HTR3D: variants seen among roughly 807,000 people sequenced by gnomAD.
HTR3D encodes the protein 5-hydroxytryptamine receptor 3D, also known as 5-hydroxytryptamine (serotonin) receptor 3 family member D.
HTR3D carries 47 observed loss-of-function variants against 45.8 expected under a neutral mutation model. The ratio of observed to expected loss-of-function variants is 1.03; its 90% CI spans 0.81 to 1.31. HTR3D has a LOEUF of 1.31. Ranked by LOEUF, HTR3D falls within the 50% of genes most tolerant of loss-of-function variation. The probability of loss-of-function intolerance (pLI) is 0.00; values close to 1 mark genes in which losing one functional copy is unlikely to be tolerated. For missense variants in HTR3D, 448 were observed against 506.9 expected (o/e 0.88, Z 1.12); for synonymous variants, 203 against 199.8 (o/e 1.02, Z -0.13).
chr3:184,038,141 G>A lies in HTR3D; in HGVS notation c.637G>A (p.Ala213Thr), dbSNP rs1722962046. Residue 213 changes from alanine (A) to threonine (T), a missense_variant, in exon 6 of 8, where the codon GCC (alanine) becomes ACC (threonine). Physicochemically the swap from Ala to Thr is moderately conservative, Grantham distance 58. Coordinates refer to ENST00000428798, the MANE Select transcript of HTR3D (RefSeq NM_001145143.1). This position sits in a 1 kb window ranked among gnomAD's most constrained non-coding sequence, Gnocchi z 4.5. ...CCTGCCACTGGAAAGTGGGAATTGT[G>A]CCCCATTCAAGATGACTGTTCTGCT... ...FYLPLESGNCAPFKMTVLLGY... is the reference protein window; with the variant it reads ...FYLPLESGNCTPFKMTVLLGY... 6.2e-7 allele frequency: 1 copy of A among 1,614,028 alleles called. No homozygotes were observed. The highest frequency in any genetic ancestry group is 1.3e-5 in the African/African-American group (1 of 74,910).
intron 1 of HTR3D, among the ~76,000 whole-genome samples, 177 bp downstream of exon 1, chr3:184,031,984 T>A (rs577065774): frequency 1.0e-4 from 15 of 143,946 alleles, no homozygotes; most frequent in Non-Finnish European, 1.6e-4. Flanking sequence ...TTTAGTTAAC[T>A]CTTTTCTCTT....
intron 1 of HTR3D, chr3:184,032,905 C>A: frequency 6.4e-7 from 1 of 1,552,346 alleles, no homozygotes; most frequent in African/African-American, 1.4e-5. Flanking sequence ...GAAATGGCGA[C>A]ACTTTGATTA....
chr3:184,033,048 C>T, intron 1 of HTR3D: 1 of 1,551,282 alleles, frequency 6.4e-7, no homozygotes, highest in Admixed American at 2.0e-5. Flanking sequence ...ACCTTGTCTG[C>T]CATCTGGAAG....
rs1576980554 is a variant in HTR3D at position 184,038,691 on chromosome 3, C to T, written c.986-55C>T. The stretch of plus-strand genomic sequence containing the variant: ...CTGCTCCTGCCTCCTTCCCTGTCTC[C>T]CTCCCTCCACAGGTGACATTTGCAG... On this transcript the variant is annotated intron_variant, in intron 7 of 7. Coordinates refer to ENST00000428798, the MANE Select transcript of HTR3D (RefSeq NM_001145143.1). This position sits in a 1 kb window ranked among gnomAD's most constrained non-coding sequence, Gnocchi z 4.5. 5 of 1,562,568 alleles carry T rather than the reference C, an allele frequency of 3.2e-6. No homozygotes were observed. The highest frequency in any genetic ancestry group is 4.3e-6 in the Non-Finnish European group (5 of 1,152,374).
intron 2 of HTR3D, 75 bp from the exon 3 acceptor site, chr3:184,035,940 G>C (rs776398576): frequency 6.9e-7 from 1 of 1,450,298 alleles, no homozygotes; most frequent in Non-Finnish European, 9.4e-7. Context: ...TGATCCCCCC[G>C]CCTCAGCCTT....
Position 184,036,763 on chromosome 3 carries a change from G to C in HTR3D, c.383G>C (p.Arg128Thr). 6.4e-7 allele frequency: 1 copy of C among 1,552,172 alleles called. No homozygotes were observed. Among genetic ancestry groups the C allele is most frequent in the Middle Eastern group, 1.7e-4 (1 of 5,998 alleles). The change falls in exon 5 of 8, where the codon AGG (arginine) becomes ACG (threonine). Residue 128 changes from arginine to threonine, a missense_variant. Arg to Thr is a moderately conservative substitution (Grantham distance 71). Transcript: ENST00000428798. Reference protein sequence around the residue: ...SPTQVTRAWRRMSRSFQIHHR... With the variant: ...SPTQVTRAWRTMSRSFQIHHR... The stretch of plus-strand genomic sequence containing the variant: ...AGAACACGAGCCCGGGCATGGAGAA[G>C]GATGTCCAGGAGCTTTCAAATACAT...
chr3:184,032,929 C>G, intron 1 of HTR3D: 2 of 1,552,702 alleles, frequency 1.3e-6, no homozygotes, highest in Non-Finnish European at 1.7e-6. Flanking sequence ...ATTGCCCAGG[C>G]TTTGGCCAGC....
intron 1 of HTR3D, chr3:184,034,921 T>C (rs1722844172): frequency 1.6e-6 from 1 of 633,104 alleles, no homozygotes. Flanking sequence ...AGAAATGCTG[T>C]AATGACATTA....
chr3:184,038,828 G>A lies in HTR3D; in HGVS notation c.1068G>A (p.Arg356=), dbSNP rs1722993112. The change falls in exon 8 of 8, where the codon AGG becomes AGA. Residue 356 remains arginine, a synonymous_variant. Coordinates refer to ENST00000428798, the MANE Select transcript of HTR3D (RefSeq NM_001145143.1). The surrounding 1 kb of genome is among the most constrained non-coding windows in gnomAD (Gnocchi z 4.5). ...TGACAGGGGGCTCAGAATGGACAAG[G>A]GCCCAGCGGGAACACGAGGCCCAGA... ...AELTGGSEWT[R]AQREHEAQKQ... 1 of 1,614,142 alleles carries A rather than the reference G, an allele frequency of 6.2e-7. No homozygotes were observed. The highest frequency in any genetic ancestry group is 8.5e-7 in the Non-Finnish European group (1 of 1,180,022).
chr3:184,031,948 T>G, intron 1 of HTR3D, 141 bp downstream of exon 1: 1 of 623,792 alleles, frequency 1.6e-6, no homozygotes, highest in Non-Finnish European at 2.9e-6. Context: ...ACTGATGGCT[T>G]TGTACCTCTT....
In HTR3D at chr3:184,038,425, G is replaced by A; in HGVS notation, c.786G>A (p.Leu262=). Residue 262 remains leucine, a synonymous_variant, in exon 7 of 8, where the codon CTG becomes CTA. Transcript: ENST00000428798. This position sits in a 1 kb window ranked among gnomAD's most constrained non-coding sequence, Gnocchi z 4.5. ...RDQKRGVYFA[L]CLSLMVGSLL... ...TGCCTGCAGGTGTCTACTTCGCCCTGTGCCTGTCCCTGATGGTGGGCAGCC... is the reference window on the plus strand; with the variant it reads ...TGCCTGCAGGTGTCTACTTCGCCCTATGCCTGTCCCTGATGGTGGGCAGCC... 1.2e-6 allele frequency: 2 copies of A among 1,614,134 alleles called. No individual in the cohort carries two copies. Among genetic ancestry groups the A allele is most frequent in the Non-Finnish European group, 1.7e-6 (2 of 1,180,022 alleles).
At chr3:184,034,006 G>A (rs536540430) in intron 1 of HTR3D, among the ~76,000 whole-genome samples, 2 of 152,332 alleles carry the variant, frequency 1.3e-5, no homozygotes, top group South Asian at 4.1e-4. Flanking sequence ...TGCACTGCTT[G>A]TGAGGATGTA....
intron 1 of HTR3D, among the ~76,000 whole-genome samples, chr3:184,032,666 A>T (rs566561909): frequency 3.3e-5 from 5 of 152,282 alleles, no homozygotes; most frequent in African/African-American, 1.2e-4. Flanking sequence ...TTGCATACAC[A>T]TCTGGACAGG....
chr3:184,032,870 C>T (rs1486474335), intron 1 of HTR3D: 1 of 1,551,866 alleles, frequency 6.4e-7, no homozygotes, highest in Non-Finnish European at 8.7e-7. Flanking sequence ...CCTGGCCCTC[C>T]TCTCTCAGTC....
Position 184,038,430 on chromosome 3 carries a change from T to C in HTR3D, c.791T>C (p.Leu264Pro). 6.2e-7 allele frequency: 1 copy of C among 1,614,148 alleles called. No homozygotes were observed. Among genetic ancestry groups the C allele is most frequent in the Non-Finnish European group, 8.5e-7 (1 of 1,180,004 alleles). Reference protein sequence around the residue: ...QKRGVYFALCLSLMVGSLLET... With the variant: ...QKRGVYFALCPSLMVGSLLET... Reference sequence around the variant, plus strand: ...GCAGGTGTCTACTTCGCCCTGTGCCTGTCCCTGATGGTGGGCAGCCTGCTG... The same window carrying C: ...GCAGGTGTCTACTTCGCCCTGTGCCCGTCCCTGATGGTGGGCAGCCTGCTG... Residue 264 changes from leucine (L) to proline (P), a missense_variant, in exon 7 of 8, where the codon CTG becomes CCG. Coordinates refer to ENST00000428798, the MANE Select transcript of HTR3D (RefSeq NM_001145143.1). The surrounding 1 kb of genome is among the most constrained non-coding windows in gnomAD (Gnocchi z 4.5).
chr3:184,036,217 G>A, intron 3 of HTR3D, 117 bp downstream of exon 3: 1 of 1,483,346 alleles, frequency 6.7e-7, no homozygotes, highest in Middle Eastern at 1.8e-4. Context: ...GAATTGAAGA[G>A]CTTACAAACC....
At chr3:184,037,649 C>G (rs1722946310) in intron 5 of HTR3D, among the ~76,000 whole-genome samples, 1 of 152,176 alleles carries the variant, frequency 6.6e-6, no homozygotes, top group Admixed American at 6.5e-5. Context: ...CTCAAATGTT[C>G]CCCTGCAAAG....
rs768135011 is a variant in HTR3D, at chr3:184,036,561, T to C, written c.367+17T>C. 1 of 1,613,772 alleles carries C rather than the reference T, an allele frequency of 6.2e-7. No homozygotes were observed. Among genetic ancestry groups the C allele is most frequent in the East Asian group, 2.2e-5 (1 of 44,876 alleles). ...CACAGGTAAGTGGGGCTCACTAAAG[T>C]AGACTGTTGAGAGGCAGAGAAAGGG... On this transcript the variant is annotated intron_variant, in intron 4 of 7. Coordinates refer to ENST00000428798, the MANE Select transcript of HTR3D (RefSeq NM_001145143.1).
At position 184,036,048 on chromosome 3, in the gene HTR3D, T is replaced by A. The variant is rs1204786272; in HGVS notation, c.145T>A (p.Ser49Thr). The A allele has an allele frequency of 6.4e-7, 1 of 1,551,612 alleles. No individual in the cohort carries two copies. Among genetic ancestry groups the A allele is most frequent in the Non-Finnish European group, 8.7e-7 (1 of 1,146,982 alleles). The change falls in exon 3 of 8, where the codon TCC becomes ACC. Residue 49 changes from serine (S) to threonine (T), a missense_variant. Coordinates refer to ENST00000428798, the MANE Select transcript of HTR3D (RefSeq NM_001145143.1). ...AGATGAATGCGGAGGCATCAAGAAG[T>A]CCGGCATGGCAACTGAGAACCTATG... is the stretch of plus-strand genomic sequence containing the variant. Reference protein sequence around the residue: ...NPDECGGIKKSGMATENLWLS... With the variant: ...NPDECGGIKKTGMATENLWLS...
Sources: allele counts gnomAD v4.1 joint callset (sites outside exome capture counted in the v4.1 genomes callset), GRCh38; gene constraint gnomAD v4.1.1; non-coding constraint Gnocchi (gnomAD v3.1); transcripts MANE v1.5; gene names NCBI Gene and HGNC (gene_info 2026-07-23, HGNC 2026-07-21).